Variants in SPOCK1 observed in about 807,000 individuals in gnomAD.
The protein encoded by SPOCK1 is SPARC (osteonectin), cwcv and kazal like domains proteoglycan 1.
SPOCK1 carries 23 observed loss-of-function variants against 55.3 expected under a neutral mutation model. The observed-to-expected ratio is 0.42, with a 90% CI of 0.30 to 0.59. The LOEUF is 0.59. Ranked by LOEUF, SPOCK1 falls within the 20% of genes least tolerant of loss-of-function variation. SPOCK1 has a pLI of 0.22. For missense variants in SPOCK1, 499 were observed against 552.5 expected, an observed-to-expected ratio of 0.90 and a Z score of 0.97; for synonymous variants, 226 against 221.0, an observed-to-expected ratio of 1.02 and a Z score of -0.20.
chr5:137,313,598 C>G, intron 2 of SPOCK1: 1 of 455,634 alleles, frequency 2.2e-6, no homozygotes, highest in Non-Finnish European at 2.9e-6. Context: ...CTTCTAAGCT[C>G]CCAGAACATA....
rs577022493 is a variant in SPOCK1 at position 137,015,714 on chromosome 5, T to C, written c.590-23114A>G. 5.9e-5 allele frequency among the ~76,000 whole-genome samples: 9 copies of C among 152,242 alleles called. No individual in the cohort carries two copies. In the South Asian group the frequency reaches 1.9e-3, roughly 32 times the overall value. On this transcript the variant is annotated intron_variant, in intron 6 of 10. Coordinates refer to ENST00000394945, the MANE Select transcript of SPOCK1 (RefSeq NM_004598.4). ...CTGTAATAGACTACAGAGGGGGAAATCCCATCCTGCCCTTCTGCATGCAAA... is the reference window on the plus strand; with the variant it reads ...CTGTAATAGACTACAGAGGGGGAAACCCCATCCTGCCCTTCTGCATGCAAA...
chr5:137,225,324 C>T (rs1026211270), intron 3 of SPOCK1, among the ~76,000 whole-genome samples: 6 of 152,034 alleles, frequency 3.9e-5, no homozygotes, highest in Admixed American at 2.0e-4. Flanking sequence ...AATGCAACTA[C>T]CTCATAGAGG....
chr5:137,132,716 C>T (rs1561621574), intron 4 of SPOCK1, among the ~76,000 whole-genome samples: 1 of 151,788 alleles, frequency 6.6e-6, no homozygotes, highest in Non-Finnish European at 1.5e-5. Context: ...AAACATGGCT[C>T]AAAAAAAAGA....
chr5:137,456,767 GAA>G (rs1317957573), intron 2 of SPOCK1, among the ~76,000 whole-genome samples: 1 of 152,168 alleles, frequency 6.6e-6, no homozygotes, highest in Non-Finnish European at 1.5e-5. Flanking sequence ...GTGGTAGACT[GAA>G]ACAATAACTA....
chr5:137,248,426 T>A (rs1162406476), intron 3 of SPOCK1, among the ~76,000 whole-genome samples: 1 of 152,240 alleles, frequency 6.6e-6, no homozygotes, highest in African/African-American at 2.4e-5. Context: ...ACCCACAGTC[T>A]GGCAGAAACA....
chr5:137,407,506 TA>T (rs1488172297), intron 2 of SPOCK1, among the ~76,000 whole-genome samples: 3 of 152,130 alleles, frequency 2.0e-5, no homozygotes, highest in Non-Finnish European at 2.9e-5. Context: ...TATTCCATGG[TA>T]GCATTCGGTA....
chr5:137,346,678 C>T (rs867931860), intron 2 of SPOCK1, among the ~76,000 whole-genome samples: 1 of 152,196 alleles, frequency 6.6e-6, no homozygotes, highest in Non-Finnish European at 1.5e-5. Context: ...AGACAATTCT[C>T]CTCCGAGGCT....
At position 137,498,266 on chromosome 5, in the gene SPOCK1, C is replaced by CCACACACACACA. The variant is rs544933594; in HGVS notation, c.186+95_186+106dup. 8.7e-5 allele frequency: 69 copies of CCACACACACACA among 796,444 alleles called. No individual in the cohort carries two copies. In the East Asian group the frequency reaches 9.9e-4, roughly 11 times the overall value. 49.3% of individuals were successfully genotyped at this position (796,444 alleles called of 1,614,324 possible). Reference sequence around the variant, plus strand: ...AGATGCCCACCTGTCCCCCTCCCAACCACACACACACACACACACACACAC... The same window carrying CCACACACACACA: ...AGATGCCCACCTGTCCCCCTCCCAACCACACACACACACACACACACACACACACACACACAC... On this transcript the variant is annotated intron_variant, in intron 2 of 10. Transcript: ENST00000394945.
rs114021906 is a variant in SPOCK1, at chr5:137,082,570, G to A, written c.475-14741C>T. The stretch of plus-strand genomic sequence containing the variant: ...GAAGATTTCAGGGAATGGTGACATT[G>A]GATGAGGATGCATAACAAGCATCCA... On this transcript the variant is annotated intron_variant, in intron 5 of 10. Coordinates refer to ENST00000394945, the MANE Select transcript of SPOCK1 (RefSeq NM_004598.4). Among the ~76,000 whole-genome samples the A allele has an allele frequency of 2.2e-3, 342 of 152,316 alleles. 1 individual carries two copies. The highest frequency in any genetic ancestry group is 8.0e-3 in the African/African-American group (333 of 41,576).
intron 3 of SPOCK1, among the ~76,000 whole-genome samples, chr5:137,187,317 C>A (rs963974178): frequency 2.0e-4 from 31 of 152,178 alleles, no homozygotes; most frequent in Non-Finnish European, 2.9e-5. Context: ...CAAGCTGGGG[C>A]CAGTGTTTAC....
rs75457902 is a variant in SPOCK1 at position 137,429,413 on chromosome 5, C to T, written c.186+68960G>A. Among the ~76,000 whole-genome samples, 148 of 152,314 alleles carry T rather than the reference C, an allele frequency of 9.7e-4. 1 individual carries two copies. The South Asian group carries it at 0.016, about 16-fold the overall frequency. On this transcript the variant is annotated intron_variant, in intron 2 of 10. Coordinates refer to ENST00000394945, the MANE Select transcript of SPOCK1 (RefSeq NM_004598.4). ...CATTATATTATACTTTCCTTTACAGCACTTACCACCACTGTAATTACTACT... is the reference window on the plus strand; with the variant it reads ...CATTATATTATACTTTCCTTTACAGTACTTACCACCACTGTAATTACTACT...
intron 3 of SPOCK1, among the ~76,000 whole-genome samples, chr5:137,146,818 C>T (rs542590365): frequency 3.3e-5 from 5 of 152,270 alleles, no homozygotes; most frequent in South Asian, 2.1e-4. Context: ...CCAAGTTCTC[C>T]GAGGCCAAAC....
intron 2 of SPOCK1, among the ~76,000 whole-genome samples, chr5:137,443,114 C>A (rs1025360298): frequency 5.9e-5 from 9 of 151,890 alleles, no homozygotes; most frequent in Admixed American, 6.6e-5. Flanking sequence ...AAAAAGAAAA[C>A]ACAGATCTGC....
At chr5:137,084,959 A>G (rs1423494034) in intron 5 of SPOCK1, among the ~76,000 whole-genome samples, 3 of 131,232 alleles carry the variant, frequency 2.3e-5, no homozygotes, top group Non-Finnish European at 4.7e-5. Context: ...CAAAGCAAAA[A>G]AAAAAAAAAA....
chr5:137,434,325 T>G (rs1752809801), intron 2 of SPOCK1, among the ~76,000 whole-genome samples: 1 of 152,062 alleles, frequency 6.6e-6, no homozygotes, highest in Non-Finnish European at 1.5e-5. Context: ...CATCCCCCAT[T>G]CCAATGATCT....
At chr5:137,265,480 G>A (rs2127115441) in intron 3 of SPOCK1, among the ~76,000 whole-genome samples, 1 of 152,290 alleles carries the variant, frequency 6.6e-6, no homozygotes, top group East Asian at 1.9e-4. Flanking sequence ...GGCACAGACA[G>A]GGAATTTGTT....
At chr5:137,197,523 G>A (rs575912924) in intron 3 of SPOCK1, among the ~76,000 whole-genome samples, 86 of 152,278 alleles carry the variant, frequency 5.6e-4, no homozygotes, top group African/African-American at 2.1e-3. Context: ...ATAAGATAAT[G>A]TGTGTGACAT....
chr5:137,390,544 G>A (rs1483143906), intron 2 of SPOCK1, among the ~76,000 whole-genome samples: 1 of 152,194 alleles, frequency 6.6e-6, no homozygotes, highest in Non-Finnish European at 1.5e-5. Context: ...AAAGGGGACT[G>A]AGGACAGCTG....
chr5:137,044,632 ATGAC>A (rs1039293644), intron 6 of SPOCK1, among the ~76,000 whole-genome samples: 2 of 152,066 alleles, frequency 1.3e-5, no homozygotes, highest in African/African-American at 4.8e-5. Flanking sequence ...ACATAAATAA[ATGAC>A]TATTTCTTTT....
Sources: gnomAD v4.1 joint callset for allele counts (sites outside exome capture counted in the v4.1 genomes callset) on GRCh38, gnomAD v4.1.1 for gene constraint, MANE v1.5 for transcripts, NCBI Gene and HGNC (gene_info 2026-07-23, HGNC 2026-07-21) for gene names.